ZUP1: variants seen among roughly 807,000 people sequenced by gnomAD.
ZUP1 encodes the protein zinc finger containing ubiquitin peptidase 1, also known as zinc finger-containing ubiquitin peptidase 1.
In ZUP1, 55 loss-of-function variants were observed where a neutral mutation model predicts 68.1. That is an observed-to-expected ratio of 0.81 (90% CI 0.65 to 1.01). ZUP1 has a LOEUF of 1.01. ZUP1 is among the 50% of genes least tolerant of loss of function. The pLI is 0.00. For missense variants in ZUP1, 684 were observed against 674.9 expected (o/e 1.01, Z -0.15); for synonymous variants, 223 against 221.5 (o/e 1.01, Z -0.06).
At chr6:116,640,053 G>A (rs1776041204) in intron 9 of ZUP1, among the ~76,000 whole-genome samples, 1 of 152,220 alleles carries the variant, frequency 6.6e-6, no homozygotes, top group African/African-American at 2.4e-5. Flanking sequence ...AGAAGCCTCA[G>A]GAGCCAATGT....
chr6:116,640,272 T>C (rs1776054636), intron 9 of ZUP1, among the ~76,000 whole-genome samples: 1 of 152,246 alleles, frequency 6.6e-6, no homozygotes, highest in African/African-American at 2.4e-5. Context: ...CTGCAGGATA[T>C]TATCCAGGAG....
chr6:116,666,533 A>G (rs771910237), intron 2 of ZUP1, 101 bp downstream of exon 2: 1 of 915,192 alleles, frequency 1.1e-6, no homozygotes, highest in Non-Finnish European at 1.5e-6. Context: ...ATGGATTTCA[A>G]AACACATCTG....
At chr6:116,661,738 C>T (rs1463085023) in intron 2 of ZUP1, among the ~76,000 whole-genome samples, 1 of 149,532 alleles carries the variant, frequency 6.7e-6, no homozygotes. Flanking sequence ...AAGGCCTGGT[C>T]TGAAAGCAGA....
chr6:116,660,835 G>A lies in ZUP1; in HGVS notation c.571C>T (p.Pro191Ser). 6.5e-7 allele frequency: 1 copy of A among 1,542,692 alleles called. No homozygotes were observed. The highest frequency in any genetic ancestry group is 8.9e-7 in the Non-Finnish European group (1 of 1,126,380). Residue 191 changes from proline (P) to serine (S), a missense_variant, in exon 3 of 10, where the codon CCA (proline) becomes TCA (serine). Transcript: ENST00000368576. ...CCACACATAGGACAATCATAGAGTGGTTGATCACAGTCTGTATCAGAGATA... is the reference window on the plus strand; with the variant it reads ...CCACACATAGGACAATCATAGAGTGATTGATCACAGTCTGTATCAGAGATA... ...LDIPLEDCDQ[P>S]LYDCPMCGLI...
At chr6:116,654,026 T>G (rs988189941) in intron 5 of ZUP1, among the ~76,000 whole-genome samples, 1 of 152,024 alleles carries the variant, frequency 6.6e-6, no homozygotes, top group Non-Finnish European at 1.5e-5. Context: ...CTTTAAATGA[T>G]AGCTGCTTAA....
At chr6:116,640,753 A>G (rs1176870747) in intron 9 of ZUP1, among the ~76,000 whole-genome samples, 16 of 152,096 alleles carry the variant, frequency 1.1e-4, no homozygotes, top group Non-Finnish European at 2.9e-5. Flanking sequence ...TGTAAAGACC[A>G]TCGAGACTAG....
intron 2 of ZUP1, among the ~76,000 whole-genome samples, chr6:116,663,931 A>G (rs995851686): frequency 6.6e-6 from 1 of 151,574 alleles, no homozygotes; most frequent in Non-Finnish European, 1.5e-5. Context: ...TGGGTGACAT[A>G]GTAAGACCTT....
At chr6:116,659,516 A>G (rs1296253551) in intron 3 of ZUP1, among the ~76,000 whole-genome samples, 1 of 152,074 alleles carries the variant, frequency 6.6e-6, no homozygotes, top group East Asian at 1.9e-4. Context: ...AGTTATTATT[A>G]TTTACTGAGG....
chr6:116,637,084 A>G (rs1045813918), intron 9 of ZUP1, among the ~76,000 whole-genome samples: 2 of 152,270 alleles, frequency 1.3e-5, no homozygotes, highest in African/African-American at 2.4e-5. Context: ...TCAAAATGTA[A>G]TATCTTTTCA....
intron 7 of ZUP1, among the ~76,000 whole-genome samples, chr6:116,647,898 A>G (rs1260426574): frequency 6.6e-6 from 1 of 152,204 alleles, no homozygotes; most frequent in African/African-American, 2.4e-5. Context: ...TAAAGGTTAC[A>G]AACATTCTCT....
At chr6:116,638,991 G>A (rs890453398) in intron 9 of ZUP1, among the ~76,000 whole-genome samples, 15 of 152,224 alleles carry the variant, frequency 9.9e-5, no homozygotes, top group Non-Finnish European at 2.1e-4. Context: ...CCCGAATACT[G>A]CGCTTTTCCG....
chr6:116,639,716 G>A (rs1299424940), intron 9 of ZUP1, among the ~76,000 whole-genome samples: 2 of 152,188 alleles, frequency 1.3e-5, no homozygotes, highest in Non-Finnish European at 2.9e-5. Context: ...ACCAACAGGA[G>A]ATAAAACCAC....
chr6:116,653,471 G>C (rs1383087536), intron 5 of ZUP1, among the ~76,000 whole-genome samples: 2 of 151,802 alleles, frequency 1.3e-5, no homozygotes, highest in African/African-American at 4.8e-5. Flanking sequence ...CTTTAATAAA[G>C]ACAATAAAAG....
chr6:116,651,622 G>A lies in ZUP1; in HGVS notation c.1266C>T (p.Ala422=). The A allele has an allele frequency of 6.2e-7, 1 of 1,613,790 alleles. No individual in the cohort carries two copies. ...TATATACTTCACATGCTCCAATCCA[G>A]GCCTTTGTTCCCTGTAACCTGTTAT... ...QLNNRLQGTK[A]WIGACEVYIL... Residue 422 remains alanine, a synonymous_variant, in exon 7 of 10, where the codon GCC becomes GCT. Coordinates refer to ENST00000368576, the MANE Select transcript of ZUP1 (RefSeq NM_145062.3).
At chr6:116,648,895 G>A (rs891491774) in intron 7 of ZUP1, among the ~76,000 whole-genome samples, 1 of 151,904 alleles carries the variant, frequency 6.6e-6, no homozygotes, top group Non-Finnish European at 1.5e-5. Context: ...ACTTAAGCCT[G>A]GGAGGCAGGG....
chr6:116,664,919 T>A (rs895775456), intron 2 of ZUP1, among the ~76,000 whole-genome samples: 4 of 150,304 alleles, frequency 2.7e-5, no homozygotes, highest in Admixed American at 2.6e-4. Flanking sequence ...CCAGAAAAAA[T>A]TTTAAAAAGT....
chr6:116,649,265 A>C (rs1583368510), intron 7 of ZUP1, among the ~76,000 whole-genome samples: 1 of 152,320 alleles, frequency 6.6e-6, no homozygotes, highest in African/African-American at 2.4e-5. Flanking sequence ...AGAAACAAAC[A>C]TAAAAGAAAA....
intron 9 of ZUP1, among the ~76,000 whole-genome samples, chr6:116,640,607 G>T (rs1335291517): frequency 6.6e-6 from 1 of 151,944 alleles, no homozygotes; most frequent in Non-Finnish European, 1.5e-5. Context: ...AAGTGAAGGA[G>T]AAATAAAATA....
At chr6:116,645,601 A>AAT in intron 9 of ZUP1, 113 bp downstream of exon 9, 1 of 794,910 alleles carries the variant, frequency 1.3e-6, no homozygotes, top group South Asian at 2.1e-5. Flanking sequence ...AAAAAAAAAA[A>AAT]GAAAAAGAAT....
Sources: gnomAD v4.1 joint callset for allele counts (sites outside exome capture counted in the v4.1 genomes callset) on GRCh38, gnomAD v4.1.1 for gene constraint, MANE v1.5 for transcripts, NCBI Gene and HGNC (gene_info 2026-07-23, HGNC 2026-07-21) for gene names.